Variants in HIP1 observed in about 807,000 individuals in gnomAD.
HIP1 encodes huntingtin interacting protein 1.
HIP1 carries 65 observed loss-of-function variants against 147.6 expected under a neutral mutation model. The ratio of observed to expected loss-of-function variants is 0.44; its 90% CI spans 0.36 to 0.54. The LOEUF (loss-of-function observed/expected upper bound fraction) is 0.54, where lower values mean the gene tolerates loss of function less well. Among genes scored for constraint, HIP1 ranks in the 20% least tolerant of loss-of-function variants. HIP1 has a pLI of 0.00. For synonymous variants in HIP1, 479 were observed against 504.0 expected, an observed-to-expected ratio of 0.95 and a Z score of 0.67; for missense variants, 1,061 against 1,299.6, an observed-to-expected ratio of 0.82 and a Z score of 2.82.
intron 1 of HIP1, among the ~76,000 whole-genome samples, chr7:75,612,473 C>A (rs1244103574): frequency 1.3e-5 from 2 of 151,698 alleles, no homozygotes; most frequent in Non-Finnish European, 2.9e-5. Context: ...CGCGCCACTG[C>A]ACTCCAGCCT....
In HIP1 at chr7:75,664,019, CAT is replaced by C. The variant is rs577886022; in HGVS notation, c.121-64774_121-64773del. Among the ~76,000 whole-genome samples, 38 of 23,248 alleles carry C rather than the reference CAT, an allele frequency of 1.6e-3. 10 individuals are homozygous for C. The highest frequency in any genetic ancestry group is 0.014 in the African/African-American group (34 of 2,428). 15.3% of individuals were successfully genotyped at this position (23,248 alleles called of 152,430 possible). A position where few individuals can be genotyped will look rare whatever the true frequency, so the allele number is the denominator to read the frequency against. On this transcript the variant is annotated intron_variant, in intron 1 of 30. Transcript: ENST00000336926. Reference sequence around the variant, plus strand: ...ACACATATATGTGTATATATATACACATATATGTGTATATATATACACATATA... The same window carrying C: ...ACACATATATGTGTATATATATACACATATGTGTATATATATACACATATA...
Position 75,558,186 on chromosome 7 carries a change from T to C in HIP1, c.1445A>G (p.His482Arg). 6.2e-7 allele frequency: 1 copy of C among 1,613,996 alleles called. No individual in the cohort carries two copies. The highest frequency in any genetic ancestry group is 8.5e-7 in the Non-Finnish European group (1 of 1,179,864). ...TCTTACCTTCCGCAGCAGGTCAGCG[T>C]GGTTCTGAACCAGCTCGCTGTACTT... is the stretch of plus-strand genomic sequence containing the variant. ...KEKYSELVQN[H>R]ADLLRKNAEV... The change falls in exon 15 of 31, where the codon CAC becomes CGC. Residue 482 changes from histidine (H) to arginine (R), a missense_variant. Coordinates refer to ENST00000336926, the MANE Select transcript of HIP1 (RefSeq NM_005338.7).
chr7:75,648,323 GGGCTGGTTGGAGTAGATGA>G (rs1318217992), intron 1 of HIP1, among the ~76,000 whole-genome samples: 10 of 152,014 alleles, frequency 6.6e-5, no homozygotes, highest in Admixed American at 4.6e-4. Flanking sequence ...GGAGTAGCTG[GGGCTGGTTGGAGTAGATGA>G]GGCTGGTTGG....
rs1411430765 is a variant in HIP1, at chr7:75,583,893, G to A, written c.466-1742C>T. On this transcript the variant is annotated intron_variant, in intron 5 of 30. Coordinates refer to ENST00000336926, the MANE Select transcript of HIP1 (RefSeq NM_005338.7). Reference sequence around the variant, plus strand: ...TCCGCCCGCCTTGGCCTCCCGAAGTGCTGGGATTACAGGTGTGAGCCACCA... The same window carrying A: ...TCCGCCCGCCTTGGCCTCCCGAAGTACTGGGATTACAGGTGTGAGCCACCA... Among the ~76,000 whole-genome samples the A allele has an allele frequency of 1.3e-5, 2 of 151,510 alleles. 1 individual carries two copies. Among genetic ancestry groups the A allele is most frequent in the Middle Eastern group, 6.4e-3 (2 of 314 alleles).
intron 1 of HIP1, among the ~76,000 whole-genome samples, chr7:75,694,566 A>G (rs1800574832): frequency 7.1e-6 from 1 of 140,336 alleles, no homozygotes. Context: ...GCTGGAGTGC[A>G]GTGGTGTGAT....
intron 1 of HIP1, among the ~76,000 whole-genome samples, chr7:75,628,599 C>A (rs587675626): frequency 6.6e-6 from 1 of 152,154 alleles, no homozygotes; most frequent in African/African-American, 2.4e-5. Flanking sequence ...GTGCCTCAGC[C>A]TTCCAAGTAG....
chr7:75,664,336 A>G (rs1271592890), intron 1 of HIP1, among the ~76,000 whole-genome samples: 9 of 144,832 alleles, frequency 6.2e-5, no homozygotes, highest in East Asian at 2.1e-4. Flanking sequence ...ATGCATATAT[A>G]TGTGTGTATG....
At chr7:75,649,733 G>A (rs782228883) in intron 1 of HIP1, among the ~76,000 whole-genome samples, 4 of 152,168 alleles carry the variant, frequency 2.6e-5, no homozygotes, top group Non-Finnish European at 5.9e-5. Context: ...CCCCCGGCCT[G>A]GTCTTGGCTG....
At chr7:75,580,568 A>G (rs1795999838) in intron 7 of HIP1, among the ~76,000 whole-genome samples, 1 of 152,016 alleles carries the variant, frequency 6.6e-6, no homozygotes, top group Non-Finnish European at 1.5e-5. Flanking sequence ...TGAGACCCCT[A>G]TCTCTGCAAA....
At chr7:75,611,806 G>T in intron 1 of HIP1, 1 of 1,034,172 alleles carries the variant, frequency 9.7e-7, no homozygotes, top group East Asian at 6.0e-5. Flanking sequence ...GACCCAGCAG[G>T]CCCTCGTGTC....
At chr7:75,616,131 AC>A (rs1235591565) in intron 1 of HIP1, among the ~76,000 whole-genome samples, 3 of 151,274 alleles carry the variant, frequency 2.0e-5, no homozygotes, top group African/African-American at 7.3e-5. Flanking sequence ...AGAAAAGAAA[AC>A]AAAAACAAAA....
chr7:75,551,189 A>ATT lies in HIP1; in HGVS notation c.2296-2190_2296-2189dup, dbSNP rs55679922. Among the ~76,000 whole-genome samples, 203 of 77,402 alleles carry ATT rather than the reference A, an allele frequency of 2.6e-3. 39 individuals carry two copies. Among genetic ancestry groups the ATT allele is most frequent in the African/African-American group, 0.013 (189 of 14,708 alleles). 50.8% of individuals were successfully genotyped at this position (77,402 alleles called of 152,430 possible). A position where few individuals can be genotyped will look rare whatever the true frequency, so the allele number is the denominator to read the frequency against. ...TAGGGAGGCAAAGATGTAGATGATAATTTTTTTTTTTTTTTTTTTTTTTTT... is the reference window on the plus strand; with the variant it reads ...TAGGGAGGCAAAGATGTAGATGATAATTTTTTTTTTTTTTTTTTTTTTTTTTT... On this transcript the variant is annotated intron_variant, in intron 22 of 30. Coordinates refer to ENST00000336926, the MANE Select transcript of HIP1 (RefSeq NM_005338.7).
At chr7:75,719,503 CAA>C (rs782452885) in intron 1 of HIP1, among the ~76,000 whole-genome samples, 17 of 117,830 alleles carry the variant, frequency 1.4e-4, no homozygotes, top group Admixed American at 1.8e-4. Flanking sequence ...GACTCCATCT[CAA>C]AAAAAAAAAA....
chr7:75,674,500 T>TTTTTTTTGG (rs75607880), intron 1 of HIP1, among the ~76,000 whole-genome samples: 5 of 114,314 alleles, frequency 4.4e-5, no homozygotes, highest in African/African-American at 6.9e-5. Context: ...CGGCTTTTTG[T>TTTTTTTTGG]TTTTTTTTTT....
chr7:75,648,496 C>T (rs371184811), intron 1 of HIP1, among the ~76,000 whole-genome samples: 7 of 152,050 alleles, frequency 4.6e-5, no homozygotes, highest in East Asian at 1.9e-4. Flanking sequence ...GCTGTTGCCC[C>T]GATATTAAAC....
At chr7:75,662,311 G>A (rs1554513754) in intron 1 of HIP1, among the ~76,000 whole-genome samples, 3 of 151,976 alleles carry the variant, frequency 2.0e-5, no homozygotes, top group African/African-American at 4.8e-5. Context: ...AGCCTCCCGA[G>A]TAGCTGGGAG....
intron 2 of HIP1, among the ~76,000 whole-genome samples, chr7:75,594,645 A>G (rs1554501506): frequency 6.6e-6 from 1 of 152,058 alleles, no homozygotes; most frequent in Non-Finnish European, 1.5e-5. Context: ...ATGGTGGTGC[A>G]TGCCTGTAAT....
chr7:75,544,658 G>A (rs781990728), intron 27 of HIP1, 37 bp downstream of exon 27: 1 of 1,239,946 alleles, frequency 8.1e-7, no homozygotes, highest in Non-Finnish European at 1.2e-6. Flanking sequence ...CTCTAACCAG[G>A]CCTTCCAGCG....
intron 1 of HIP1, among the ~76,000 whole-genome samples, chr7:75,718,891 A>C (rs1801403385): frequency 6.6e-6 from 1 of 152,186 alleles, no homozygotes; most frequent in Non-Finnish European, 1.5e-5. Context: ...CTGCAAACTC[A>C]GGGAGTTCCC....
Sources: gnomAD v4.1 joint callset for allele counts (sites outside exome capture counted in the v4.1 genomes callset) on GRCh38, gnomAD v4.1.1 for gene constraint, MANE v1.5 for transcripts, NCBI Gene and HGNC (gene_info 2026-07-23, HGNC 2026-07-21) for gene names.